Variants in TMLHE observed in about 807,000 individuals in gnomAD.
TMLHE encodes the protein trimethyllysine dioxygenase, mitochondrial.
In TMLHE, 18 loss-of-function variants were observed where a neutral mutation model predicts 25.7. The ratio of observed to expected loss-of-function variants is 0.70; its 90% confidence interval spans 0.48 to 1.04. The LOEUF is 1.04. TMLHE is among the 50% of genes least tolerant of loss of function. The pLI is 0.00. For synonymous variants in TMLHE, 105 were observed against 97.0 expected (o/e 1.08, Z -0.49); for missense variants, 236 against 259.0 (o/e 0.91, Z 0.61).
At chrX:155,541,273 CT>C (rs2067309612) in intron 2 of TMLHE, among the ~76,000 whole-genome samples, 1 of 110,965 alleles carries the variant, frequency 9.0e-6, no homozygotes, top group African/African-American at 3.3e-5. Context: ...TCAACTCCCA[CT>C]TATGAGTGAG....
At chrX:155,538,063 T>G (rs1014964074) in intron 2 of TMLHE, among the ~76,000 whole-genome samples, 1 of 111,381 alleles carries the variant, frequency 9.0e-6, no homozygotes, top group Admixed American at 9.6e-5. Context: ...GATAGATCTC[T>G]TGAAATGTAT....
At chrX:155,512,288 G>C (rs2067119743) in intron 4 of TMLHE, among the ~76,000 whole-genome samples, 1 of 106,950 alleles carries the variant, frequency 9.4e-6, no homozygotes, top group African/African-American at 3.5e-5. Flanking sequence ...TCTAGCATTA[G>C]GTATATCTCC....
intron 1 of TMLHE, among the ~76,000 whole-genome samples, chrX:155,548,729 T>C (rs782586403): frequency 2.7e-3 from 273 of 101,474 alleles, no homozygotes; most frequent in Middle Eastern, 5.0e-3. Context: ...AGTGAGACTC[T>C]GTCTCAAAAA....
At chrX:155,556,752 G>T (rs1241644691) in intron 1 of TMLHE, among the ~76,000 whole-genome samples, 5 of 110,606 alleles carry the variant, frequency 4.5e-5, no homozygotes, top group Admixed American at 9.6e-5. Context: ...TTATTAGGCA[G>T]GAATTTCCTC....
intron 2 of TMLHE, among the ~76,000 whole-genome samples, chrX:155,539,099 G>A (rs1249953133): frequency 9.0e-6 from 1 of 111,582 alleles, no homozygotes; most frequent in East Asian, 2.8e-4. Context: ...CTTCACCAGA[G>A]ACTCTTCTCC....
chrX:155,557,347 T>G (rs1207877059), intron 1 of TMLHE, among the ~76,000 whole-genome samples: 2 of 112,387 alleles, frequency 1.8e-5, no homozygotes, highest in African/African-American at 6.4e-5. Context: ...ATCCACGTTC[T>G]TCTGTCATGG....
At chrX:155,592,236 A>G in intron 1 of TMLHE, among the ~76,000 whole-genome samples, 1 of 111,744 alleles carries the variant, frequency 8.9e-6, no homozygotes, top group East Asian at 2.8e-4. Flanking sequence ...ATGATAAACA[A>G]TTTCAATTTG....
chrX:155,606,190 G>A (rs942980134), intron 1 of TMLHE, among the ~76,000 whole-genome samples: 1 of 110,860 alleles, frequency 9.0e-6, no homozygotes, highest in Non-Finnish European at 1.9e-5. Flanking sequence ...ACAGATCCTC[G>A]AGGCAGAAAA....
At chrX:155,585,854 C>A (rs993282967) in intron 1 of TMLHE, among the ~76,000 whole-genome samples, 9 of 112,047 alleles carry the variant, frequency 8.0e-5, no homozygotes, top group Admixed American at 5.7e-4. Flanking sequence ...AAACTGAAGT[C>A]ATATCAAGTA....
Position 155,583,883 on chromosome X carries a change from A to C in TMLHE, c.-2+28909T>G, listed in dbSNP as rs143292026. 6.8e-3 allele frequency among the ~76,000 whole-genome samples: 761 copies of C among 111,231 alleles called. 6 individuals carry two copies. The highest frequency in any genetic ancestry group is 0.024 in the African/African-American group (724 of 30,636). ...CATTATTCAGGTGATGGTTACCCTA[A>C]AATCCCAGACTTCATTACTAGGCAA... On this transcript the variant is annotated intron_variant, in intron 1 of 7. Coordinates refer to ENST00000334398, the MANE Select transcript of TMLHE (RefSeq NM_018196.4).
intron 1 of TMLHE, among the ~76,000 whole-genome samples, chrX:155,559,859 C>G (rs914545847): frequency 4.5e-5 from 5 of 112,195 alleles, no homozygotes; most frequent in African/African-American, 3.2e-5. Flanking sequence ...TGTCCATACA[C>G]TATTGCCAGA....
chrX:155,548,608 A>AGTG (rs2067383281), intron 1 of TMLHE, among the ~76,000 whole-genome samples: 1 of 108,288 alleles, frequency 9.2e-6, no homozygotes, highest in Non-Finnish European at 1.9e-5. Flanking sequence ...GGTGGCACAC[A>AGTG]CCTGTATTCC....
At chrX:155,533,624 GA>G (rs1158518818) in intron 2 of TMLHE, among the ~76,000 whole-genome samples, 2 of 108,350 alleles carry the variant, frequency 1.8e-5, no homozygotes, top group East Asian at 5.7e-4. Flanking sequence ...TAAGAGGTCA[GA>G]AAAAAAAAGA....
At chrX:155,525,337 G>T (rs943389609) in intron 2 of TMLHE, among the ~76,000 whole-genome samples, 4 of 111,868 alleles carry the variant, frequency 3.6e-5, no homozygotes, top group Admixed American at 9.5e-5. Context: ...AGGTGTGCTT[G>T]CTTCCCCTCA....
intron 2 of TMLHE, among the ~76,000 whole-genome samples, chrX:155,539,808 C>T (rs2067300318): frequency 9.1e-6 from 1 of 110,343 alleles, no homozygotes; most frequent in South Asian, 3.8e-4. Flanking sequence ...AGGAAACTGA[C>T]ATATAAACAA....
intron 2 of TMLHE, among the ~76,000 whole-genome samples, chrX:155,527,222 G>C (rs1318394341): frequency 1.8e-5 from 2 of 111,787 alleles, no homozygotes; most frequent in Non-Finnish European, 3.8e-5. Flanking sequence ...GAGGTGATTG[G>C]ATCATGGGGG....
chrX:155,513,605 G>GGT lies in TMLHE; in HGVS notation c.638+379_638+380dup, dbSNP rs781866085. Among the ~76,000 whole-genome samples the GGT allele has an allele frequency of 3.1e-3, 330 of 106,449 alleles. 3 individuals are homozygous for GGT. The highest frequency in any genetic ancestry group is 0.024 in the South Asian group (60 of 2,457). 92.4% of individuals were successfully genotyped at this position (106,449 alleles called of 115,157 possible). ...AATAGAGGACAGTGGGGGTCGAGGGGGTGTGTGTGTGTGTGTGTGTGTGTA... is the reference window on the plus strand; with the variant it reads ...AATAGAGGACAGTGGGGGTCGAGGGGGTGTGTGTGTGTGTGTGTGTGTGTGTA... On this transcript the variant is annotated intron_variant, in intron 4 of 7. Transcript: ENST00000334398.
chrX:155,591,559 CAT>C (rs782372033), intron 1 of TMLHE, among the ~76,000 whole-genome samples: 34 of 111,708 alleles, frequency 3.0e-4, no homozygotes, highest in African/African-American at 9.7e-4. Flanking sequence ...TTAAGAAAAA[CAT>C]ATAAATAATC....
chrX:155,527,727 T>C (rs2124377176), intron 2 of TMLHE, among the ~76,000 whole-genome samples: 1 of 111,842 alleles, frequency 8.9e-6, no homozygotes, highest in Non-Finnish European at 1.9e-5. Context: ...TGGATTAAAG[T>C]ACAAAAAATT....
Sources: allele counts gnomAD v4.1 joint callset (sites outside exome capture counted in the v4.1 genomes callset), GRCh38; gene constraint gnomAD v4.1.1; transcripts MANE v1.5; gene names NCBI Gene and HGNC (gene_info 2026-07-23, HGNC 2026-07-21).